NTRK3: variants seen among roughly 807,000 people sequenced by gnomAD.
The protein encoded by NTRK3 is neurotrophic receptor tyrosine kinase 3, also known as NT-3 growth factor receptor.
Under a neutral mutation model 91.7 loss-of-function variants are expected in NTRK3, and 24 were observed. That is an observed-to-expected ratio of 0.26 (90% CI 0.19 to 0.37). NTRK3 has a LOEUF of 0.37. Among genes scored for constraint, NTRK3 ranks in the 10% least tolerant of loss-of-function variants. The pLI, the probability that NTRK3 is intolerant of heterozygous loss-of-function variation, is 1.00. For synonymous variants in NTRK3, 483 were observed against 404.0 expected (o/e 1.20, Z -2.34); for missense variants, 880 against 1,068.9 (o/e 0.82, Z 2.46).
chr15:87,988,542 C>G (rs961486906), intron 14 of NTRK3, among the ~76,000 whole-genome samples: 7 of 152,270 alleles, frequency 4.6e-5, no homozygotes, highest in Admixed American at 2.0e-4. Flanking sequence ...CTCGGTACCA[C>G]TGTTATAACT....
chr15:88,125,460 T>G (rs12911150), intron 13 of NTRK3, among the ~76,000 whole-genome samples: 32,311 of 151,348 alleles, frequency 0.21, 3,625 homozygotes, highest in Middle Eastern at 0.29. Context: ...TTATCAAACC[T>G]CGTATCATGC....
intron 14 of NTRK3, chr15:87,946,095 A>G (rs1480920503): frequency 6.6e-6 from 1 of 152,192 alleles, no homozygotes; most frequent in Non-Finnish European, 1.5e-5. Context: ...TGGCTTGAAA[A>G]GAAATGTGGA....
intron 3 of NTRK3, chr15:88,253,038 C>A (rs565106931): frequency 6.6e-6 from 1 of 152,396 alleles, no homozygotes; most frequent in Admixed American, 6.5e-5. Flanking sequence ...ACAATCAGTT[C>A]AGCACTTGAA....
chr15:88,220,123 A>C (rs1201639376), intron 3 of NTRK3, among the ~76,000 whole-genome samples: 6 of 152,240 alleles, frequency 3.9e-5, no homozygotes, highest in African/African-American at 1.4e-4. Flanking sequence ...ATAAGATAAA[A>C]TAAAATAAAT....
intron 13 of NTRK3, among the ~76,000 whole-genome samples, chr15:88,039,044 C>A (rs1379447065): frequency 1.3e-5 from 2 of 151,352 alleles, no homozygotes; most frequent in African/African-American, 2.4e-5. Context: ...GGGCAGCTTT[C>A]TTCTATTTTC....
chr15:88,097,175 G>A (rs576190164), intron 13 of NTRK3, among the ~76,000 whole-genome samples: 2 of 152,140 alleles, frequency 1.3e-5, no homozygotes, highest in African/African-American at 4.8e-5. Context: ...TTTCACCTAT[G>A]TCTTTTTATT....
intron 17 of NTRK3, among the ~76,000 whole-genome samples, chr15:87,919,422 C>T (rs146583991): frequency 4.4e-4 from 67 of 152,278 alleles, no homozygotes; most frequent in Middle Eastern, 3.4e-3. Context: ...GTCATCATGC[C>T]CTCTCCACGT....
chr15:88,109,225 T>G (rs1490541288), intron 13 of NTRK3, among the ~76,000 whole-genome samples: 2 of 152,200 alleles, frequency 1.3e-5, no homozygotes, highest in Non-Finnish European at 2.9e-5. Context: ...CATTAAATAC[T>G]GCAGTGGACA....
chr15:88,249,003 A>G (rs971786715), intron 3 of NTRK3, among the ~76,000 whole-genome samples: 1 of 152,142 alleles, frequency 6.6e-6, no homozygotes, highest in Non-Finnish European at 1.5e-5. Context: ...GATTTGTTCA[A>G]AGCTAGGGAG....
At chr15:87,873,656 G>A (rs2064881065) in exon 19 of NTRK3, 1 of 232,054 alleles carries the variant, frequency 4.3e-6, no homozygotes, top group Non-Finnish European at 8.5e-6. Context: ...TGGCCATATT[G>A]GCTAATAGGA....
At chr15:88,016,734 T>C (rs1330825728) in intron 14 of NTRK3, among the ~76,000 whole-genome samples, 1 of 152,240 alleles carries the variant, frequency 6.6e-6, no homozygotes, top group Admixed American at 6.5e-5. Flanking sequence ...AACTCCTTTC[T>C]CAGCCATTAA....
intron 17 of NTRK3, among the ~76,000 whole-genome samples, chr15:87,884,102 G>A (rs1427444097): frequency 2.7e-5 from 4 of 150,240 alleles, no homozygotes; most frequent in Non-Finnish European, 6.0e-5. Flanking sequence ...AAGCAAAACA[G>A]CCAGCCAAAA....
rs115620193 is a variant in NTRK3 at position 88,225,697 on chromosome 15, G to C, written c.248+30209C>G. Among the ~76,000 whole-genome samples the C allele has an allele frequency of 3.4e-3, 513 of 152,234 alleles. 6 individuals are homozygous for C. The highest frequency in any genetic ancestry group is 0.012 in the African/African-American group (491 of 41,536). ...AGGCACAGCCCACTTCCCCTCTTCT[G>C]ACAGTGCTGATGTTTCCCAACCAGA... is the stretch of plus-strand genomic sequence containing the variant. On this transcript the variant is annotated intron_variant, in intron 3 of 18. Coordinates refer to ENST00000394480, the Ensembl canonical transcript of NTRK3.
exon 19 of NTRK3, chr15:87,865,436 C>T (rs1328960781): frequency 9.4e-6 from 2 of 213,818 alleles, no homozygotes; most frequent in African/African-American, 4.5e-5. Context: ...AAACATTTCT[C>T]CGTGGGAATC....
At chr15:88,037,233 G>A (rs1208410399) in intron 13 of NTRK3, among the ~76,000 whole-genome samples, 1 of 152,210 alleles carries the variant, frequency 6.6e-6, no homozygotes. Flanking sequence ...TGCCAGAGAT[G>A]TGAAAGGAAA....
At chr15:88,186,143 C>T (rs1350112379) in intron 3 of NTRK3, among the ~76,000 whole-genome samples, 2 of 152,148 alleles carry the variant, frequency 1.3e-5, no homozygotes, top group Non-Finnish European at 2.9e-5. Context: ...TGTAAATTAC[C>T]AAGTAGATCA....
chr15:87,873,926 G>A (rs549595781), exon 19 of NTRK3: 14 of 230,330 alleles, frequency 6.1e-5, no homozygotes, highest in Admixed American at 4.0e-4. Flanking sequence ...CCCCACCTAT[G>A]CAAGGCTGTC....
chr15:88,076,330 C>T (rs1477287556), intron 13 of NTRK3, among the ~76,000 whole-genome samples: 1 of 152,090 alleles, frequency 6.6e-6, no homozygotes, highest in East Asian at 1.9e-4. Context: ...CCCACTGAGT[C>T]CCTCCCACAA....
exon 19 of NTRK3, chr15:87,873,614 G>A (rs2064880216): frequency 8.6e-6 from 2 of 231,952 alleles, no homozygotes; most frequent in East Asian, 1.2e-4. Context: ...GTGGACTTTG[G>A]TATGGGAAAA....
Sources: gnomAD v4.1 joint callset for allele counts (sites outside exome capture counted in the v4.1 genomes callset) on GRCh38, gnomAD v4.1.1 for gene constraint, MANE v1.5 for transcripts, NCBI Gene and HGNC (gene_info 2026-07-23, HGNC 2026-07-21) for gene names.